Variants in FAM13A observed in about 807,000 individuals in gnomAD.
FAM13A encodes the protein protein FAM13A.
FAM13A carries 76 observed loss-of-function variants against 129.6 expected under a neutral mutation model. That is an observed-to-expected ratio of 0.59 (90% CI 0.49 to 0.71). FAM13A has a LOEUF of 0.71. Among genes scored for constraint, FAM13A ranks in the 30% least tolerant of loss-of-function variants. The pLI is 0.00. For synonymous variants in FAM13A, 443 were observed against 449.9 expected, an observed-to-expected ratio of 0.98 and a Z score of 0.20; for missense variants, 1,108 against 1,249.3, an observed-to-expected ratio of 0.89 and a Z score of 1.70.
intron 5 of FAM13A, among the ~76,000 whole-genome samples, chr4:88,926,707 G>A (rs578221011): frequency 3.3e-5 from 5 of 152,134 alleles, no homozygotes; most frequent in Non-Finnish European, 5.9e-5. Context: ...AAATATATGA[G>A]TATGATCTAA....
chr4:88,962,257 A>G (rs1195963095), intron 4 of FAM13A, among the ~76,000 whole-genome samples: 2 of 152,210 alleles, frequency 1.3e-5, no homozygotes, highest in Non-Finnish European at 2.9e-5. Context: ...GTAGAGACAC[A>G]TGAACTATAT....
At chr4:88,869,863 G>C (rs1741057293) in intron 6 of FAM13A, among the ~76,000 whole-genome samples, 1 of 152,098 alleles carries the variant, frequency 6.6e-6, no homozygotes, top group Non-Finnish European at 1.5e-5. Flanking sequence ...AAAGACGAAA[G>C]GACTAACATG....
At chr4:89,042,365 T>C (rs975480245) in intron 1 of FAM13A, among the ~76,000 whole-genome samples, 15 of 152,164 alleles carry the variant, frequency 9.9e-5, no homozygotes, top group Non-Finnish European at 1.5e-4. Context: ...AATCCCCAAA[T>C]AGTGCTCTGT....
chr4:88,848,154 C>T (rs1300294962), intron 7 of FAM13A, among the ~76,000 whole-genome samples: 2 of 152,154 alleles, frequency 1.3e-5, no homozygotes, highest in African/African-American at 4.8e-5. Flanking sequence ...TCCAACTGTT[C>T]CTCATTGGCC....
At chr4:88,857,856 C>T (rs942263210) in intron 6 of FAM13A, among the ~76,000 whole-genome samples, 2 of 152,074 alleles carry the variant, frequency 1.3e-5, no homozygotes, top group Non-Finnish European at 2.9e-5. Flanking sequence ...ACTTAGCAAA[C>T]AGTAGGTGAC....
At chr4:89,048,710 T>C (rs975740764) in intron 1 of FAM13A, among the ~76,000 whole-genome samples, 1 of 152,180 alleles carries the variant, frequency 6.6e-6, no homozygotes, top group Non-Finnish European at 1.5e-5. Context: ...AAAGATTCCA[T>C]ATTCCTCAGT....
chr4:89,012,700 AC>A (rs1439987539), intron 3 of FAM13A, among the ~76,000 whole-genome samples: 1 of 152,184 alleles, frequency 6.6e-6, no homozygotes, highest in African/African-American at 2.4e-5. Flanking sequence ...GACTGTTCTC[AC>A]TGGCAGTTTG....
At chr4:88,923,541 G>T (rs1202516743) in intron 5 of FAM13A, among the ~76,000 whole-genome samples, 1 of 152,010 alleles carries the variant, frequency 6.6e-6, no homozygotes, top group Non-Finnish European at 1.5e-5. Flanking sequence ...TAGGTATTGA[G>T]GGGACATATC....
At chr4:88,887,239 C>T (rs1438313547) in intron 6 of FAM13A, among the ~76,000 whole-genome samples, 3 of 152,092 alleles carry the variant, frequency 2.0e-5, no homozygotes, top group Non-Finnish European at 4.4e-5. Flanking sequence ...CACTAAAGAA[C>T]TTGTTCATGT....
chr4:88,941,984 T>C (rs182300883), intron 4 of FAM13A, among the ~76,000 whole-genome samples: 124 of 152,262 alleles, frequency 8.1e-4, no homozygotes, highest in Non-Finnish European at 1.3e-3. Context: ...CAAAGCCATC[T>C]TGGCTCTAAG....
intron 1 of FAM13A, among the ~76,000 whole-genome samples, chr4:89,043,400 T>C (rs796613701): frequency 9.2e-5 from 14 of 152,262 alleles, no homozygotes; most frequent in African/African-American, 3.4e-4. Context: ...ACAGAGGGGC[T>C]GTATTAAGAA....
intron 10 of FAM13A, among the ~76,000 whole-genome samples, chr4:88,783,553 G>A (rs1723377433): frequency 6.6e-6 from 1 of 152,046 alleles, no homozygotes; most frequent in Non-Finnish European, 1.5e-5. Context: ...CAAAATGCTG[G>A]GATTACAGGC....
chr4:89,034,537 T>C (rs1579866870), intron 1 of FAM13A, among the ~76,000 whole-genome samples: 1 of 152,188 alleles, frequency 6.6e-6, no homozygotes, highest in East Asian at 1.9e-4. Flanking sequence ...GAACTAAAAA[T>C]AGAACTACCA....
rs1560936795 is a variant in FAM13A at position 88,767,563 on chromosome 4, TGA to T, written c.1566_1567del (p.Gln523AlafsTer3). On this transcript the variant is annotated frameshift_variant, in exon 13 of 24. Coordinates refer to ENST00000264344, the MANE Select transcript of FAM13A (RefSeq NM_014883.4). LOFTEE classifies it high-confidence loss of function. The stretch of plus-strand genomic sequence containing the variant: ...TTGTTAGCTACTCACCTCAAAATGC[TGA>T]GTGTGTCCACCATCTTTTTCATTTC... 1 of 1,603,704 alleles carries T rather than the reference TGA, an allele frequency of 6.2e-7. No individual in the cohort carries two copies. Among genetic ancestry groups the T allele is most frequent in the South Asian group, 1.1e-5 (1 of 88,470 alleles).
intron 1 of FAM13A, among the ~76,000 whole-genome samples, chr4:89,033,270 T>C (rs1052922574): frequency 1.3e-4 from 19 of 151,158 alleles, no homozygotes; most frequent in African/African-American, 4.6e-4. Context: ...TTTTATGGAG[T>C]CTTTAGTGTC....
At position 88,855,234 on chromosome 4, in the gene FAM13A, G is replaced by T. The variant is rs1412163184; in HGVS notation, c.844-4051C>A. 4.0e-5 allele frequency: 6 copies of T among 151,638 alleles called. No homozygotes were observed. In the East Asian group the frequency reaches 7.7e-4, roughly 20 times the overall value. 9.4% of individuals were successfully genotyped at this position (151,638 alleles called of 1,614,324 possible). Reference sequence around the variant, plus strand: ...CAACGATTTTCTTTTTTCTTTTTTGGGTATTAGAAGTTAAATTTTTCTTTT... The same window carrying T: ...CAACGATTTTCTTTTTTCTTTTTTGTGTATTAGAAGTTAAATTTTTCTTTT... On this transcript the variant is annotated intron_variant, in intron 6 of 23. Coordinates refer to ENST00000264344, the MANE Select transcript of FAM13A (RefSeq NM_014883.4).
chr4:88,938,524 A>G lies in FAM13A; in HGVS notation c.606-283T>C, dbSNP rs115328260. Among the ~76,000 whole-genome samples, 752 of 152,334 alleles carry G rather than the reference A, an allele frequency of 4.9e-3. 5 individuals carry two copies. Among genetic ancestry groups the G allele is most frequent in the African/African-American group, 0.017 (717 of 41,588 alleles). Reference sequence around the variant, plus strand: ...TAGTACTTTGAATATATTAAAAATTATTACACATAATAGTTATATAAAAGT... The same window carrying G: ...TAGTACTTTGAATATATTAAAAATTGTTACACATAATAGTTATATAAAAGT... On this transcript the variant is annotated intron_variant, in intron 4 of 23. Transcript: ENST00000264344.
At chr4:88,968,196 A>G (rs573982744) in intron 4 of FAM13A, among the ~76,000 whole-genome samples, 1 of 152,184 alleles carries the variant, frequency 6.6e-6, no homozygotes, top group African/African-American at 2.4e-5. Flanking sequence ...TGAATATCCT[A>G]GTTATTAAAA....
chr4:88,966,090 A>G (rs1190081652), intron 4 of FAM13A, among the ~76,000 whole-genome samples: 1 of 152,166 alleles, frequency 6.6e-6, no homozygotes, highest in Non-Finnish European at 1.5e-5. Flanking sequence ...ATCATGTGGT[A>G]GTTCTATTTT....
Sources: gnomAD v4.1 joint callset for allele counts (sites outside exome capture counted in the v4.1 genomes callset) on GRCh38, gnomAD v4.1.1 for gene constraint, MANE v1.5 for transcripts, NCBI Gene and HGNC (gene_info 2026-07-23, HGNC 2026-07-21) for gene names.